Variants in RAF1 observed in about 807,000 individuals in gnomAD.
The protein encoded by RAF1 is Raf-1 proto-oncogene, serine/threonine kinase.
A neutral mutation model predicts 81.1 loss-of-function variants in RAF1; 27 were observed. The observed-to-expected ratio is 0.33, with a 90% CI of 0.25 to 0.46. RAF1 has a LOEUF of 0.46. RAF1 is among the 20% of genes least tolerant of loss of function. The probability of loss-of-function intolerance (pLI) is 1.00; values close to 1 mark genes in which losing one functional copy is unlikely to be tolerated. For missense variants in RAF1, 598 were observed against 826.0 expected, an observed-to-expected ratio of 0.72 and a Z score of 3.38; for synonymous variants, 298 against 294.0, an observed-to-expected ratio of 1.01 and a Z score of -0.14.
chr3:12,655,004 C>T (rs575661632), intron 1 of RAF1, among the ~76,000 whole-genome samples: 4 of 145,736 alleles, frequency 2.7e-5, no homozygotes, highest in Non-Finnish European at 4.5e-5. Flanking sequence ...AGTGAGACCC[C>T]CCCCCCGCCA....
chr3:12,658,826 G>A (rs192524574), intron 1 of RAF1, among the ~76,000 whole-genome samples: 5 of 152,298 alleles, frequency 3.3e-5, no homozygotes, highest in Admixed American at 3.3e-4. Flanking sequence ...TGATTGGAAT[G>A]TGATGCCAAT....
At chr3:12,635,873 T>C (rs1484972530) in intron 1 of RAF1, among the ~76,000 whole-genome samples, 1 of 150,490 alleles carries the variant, frequency 6.6e-6, no homozygotes, top group East Asian at 2.0e-4. Flanking sequence ...CTCAGGAGGC[T>C]GAGGCAGGAG....
In RAF1 at chr3:12,590,995, G is replaced by A. The variant is rs143981486; in HGVS notation, c.1254-21C>T. ...TTTTGCTGGGGAGGGGAGGGGAAGA[G>A]AGGAGAGGGAGGAGGAAAGTGCTCA... On this transcript the variant is annotated intron_variant, in intron 12 of 17. Transcript: ENST00000442415. 32 of 1,583,216 alleles carry A rather than the reference G, an allele frequency of 2.0e-5. No individual in the cohort carries two copies. In the East Asian group the frequency reaches 6.5e-4, roughly 32 times the overall value.
chr3:12,651,526 C>T (rs2060525103), intron 1 of RAF1, among the ~76,000 whole-genome samples: 1 of 151,586 alleles, frequency 6.6e-6, no homozygotes. Flanking sequence ...CCCAGCTACT[C>T]GGGAGGCTGA....
chr3:12,586,007 C>T (rs2058322032), intron 14 of RAF1: 1 of 552,640 alleles, frequency 1.8e-6, no homozygotes, highest in Non-Finnish European at 3.3e-6. Context: ...GTCAATGTGC[C>T]AGATTATTTG....
intron 1 of RAF1, 140 bp from the exon 2 acceptor site, chr3:12,618,887 C>A (rs2059460640): frequency 1.5e-6 from 1 of 684,942 alleles, no homozygotes. Flanking sequence ...AGAAAAGTTT[C>A]TTTAATAGTA....
intron 12 of RAF1, among the ~76,000 whole-genome samples, chr3:12,591,494 T>C (rs760458600): frequency 9.9e-5 from 15 of 152,160 alleles, no homozygotes; most frequent in South Asian, 2.1e-4. Context: ...GAGGGTATTC[T>C]CCTAAAAAGG....
rs1491570753 is a variant in RAF1 at position 12,642,719 on chromosome 3, C to CACACACACAA, written c.-27+21093_-27+21094insTTGTGTGTGT. ...ACACACACACACACACACACACACA[C>CACACACACAA]AAAATAGCTGCGTATGGTGGCATGG... On this transcript the variant is annotated intron_variant, in intron 1 of 17. Transcript: ENST00000442415. 1.6e-3 allele frequency among the ~76,000 whole-genome samples: 224 copies of CACACACACAA among 141,466 alleles called. 2 individuals carry two copies. The highest frequency in any genetic ancestry group is 4.2e-3 in the South Asian group (19 of 4,476). 92.8% of individuals were successfully genotyped at this position (141,466 alleles called of 152,430 possible). A position where few individuals can be genotyped will look rare whatever the true frequency, so the allele number is the denominator to read the frequency against.
chr3:12,633,040 C>CT (rs1403375379), intron 1 of RAF1, among the ~76,000 whole-genome samples: 2 of 152,110 alleles, frequency 1.3e-5, no homozygotes, highest in African/African-American at 4.8e-5. Flanking sequence ...TTTAGTTTCC[C>CT]TTACCTTACA....
intron 11 of RAF1, among the ~76,000 whole-genome samples, chr3:12,592,740 T>TC (rs1217883094): frequency 6.8e-6 from 1 of 147,402 alleles, no homozygotes; most frequent in East Asian, 1.9e-4. Flanking sequence ...ACTTTTTTTT[T>TC]TTTTTTTTTT....
At chr3:12,590,507 T>A (rs562116798) in intron 13 of RAF1, 1 of 410,676 alleles carries the variant, frequency 2.4e-6, no homozygotes, top group Non-Finnish European at 4.6e-6. Flanking sequence ...GTATTTTCAG[T>A]AGAAACAGGG....
At chr3:12,642,121 C>T (rs2060206120) in intron 1 of RAF1, among the ~76,000 whole-genome samples, 1 of 151,836 alleles carries the variant, frequency 6.6e-6, no homozygotes, top group African/African-American at 2.4e-5. Flanking sequence ...GCACTCCAGC[C>T]TGGGCAACAA....
At chr3:12,639,324 C>G (rs549647261) in intron 1 of RAF1, among the ~76,000 whole-genome samples, 5 of 152,244 alleles carry the variant, frequency 3.3e-5, no homozygotes, top group African/African-American at 9.6e-5. Flanking sequence ...GATAGGGATG[C>G]CCTCTCTCAC....
chr3:12,595,302 CT>C (rs887749101), intron 11 of RAF1, among the ~76,000 whole-genome samples: 1 of 151,950 alleles, frequency 6.6e-6, no homozygotes, highest in Non-Finnish European at 1.5e-5. Context: ...AAATTCCTGA[CT>C]TCAAGTGATT....
intron 1 of RAF1, among the ~76,000 whole-genome samples, chr3:12,626,772 C>G (rs1442528642): frequency 1.3e-5 from 2 of 151,404 alleles, no homozygotes; most frequent in Non-Finnish European, 2.9e-5. Context: ...GCCTGTAATC[C>G]CAGCACTTTG....
chr3:12,658,767 TA>T (rs1192520969), intron 1 of RAF1, among the ~76,000 whole-genome samples: 1 of 152,172 alleles, frequency 6.6e-6, no homozygotes, highest in Non-Finnish European at 1.5e-5. Context: ...GAATCTGGTC[TA>T]AAAATAAAAC....
chr3:12,599,984 A>G (rs545718493), intron 10 of RAF1, among the ~76,000 whole-genome samples, 168 bp downstream of exon 9: 2 of 152,362 alleles, frequency 1.3e-5, no homozygotes, highest in East Asian at 3.9e-4. Context: ...TAGCACTGGC[A>G]AACTGTCTGA....
At chr3:12,636,504 A>C (rs887380465) in intron 1 of RAF1, among the ~76,000 whole-genome samples, 1 of 151,594 alleles carries the variant, frequency 6.6e-6, no homozygotes. Context: ...TCAAAAAAAA[A>C]AAGGGACATT....
intron 1 of RAF1, among the ~76,000 whole-genome samples, chr3:12,625,526 C>A (rs2059677975): frequency 6.6e-6 from 1 of 152,058 alleles, no homozygotes; most frequent in African/African-American, 2.4e-5. Context: ...CATTTCACAC[C>A]CAGCACTACA....
Sources: gnomAD v4.1 joint callset for allele counts (sites outside exome capture counted in the v4.1 genomes callset) on GRCh38, gnomAD v4.1.1 for gene constraint, MANE v1.5 for transcripts, NCBI Gene and HGNC (gene_info 2026-07-23, HGNC 2026-07-21) for gene names.